The following MAST2 variants were observed in gnomAD, a reference collection of about 807,000 sequenced individuals.
MAST2 encodes microtubule-associated serine/threonine-protein kinase 2.
In MAST2, 70 loss-of-function variants were observed where a neutral mutation model predicts 147.4. The observed-to-expected ratio is 0.47, with a 90% CI of 0.39 to 0.58. MAST2 has a LOEUF of 0.58. Among genes scored for constraint, MAST2 ranks in the 20% least tolerant of loss-of-function variants. The pLI, the probability that MAST2 is intolerant of heterozygous loss-of-function variation, is 0.00. For synonymous variants in MAST2, 869 were observed against 896.8 expected (o/e 0.97, Z 0.55); for missense variants, 2,080 against 2,302.3 (o/e 0.90, Z 1.98).
At chr1:45,809,852 G>A (rs1644241939) in intron 1 of MAST2, among the ~76,000 whole-genome samples, 1 of 152,176 alleles carries the variant, frequency 6.6e-6, no homozygotes. Flanking sequence ...TGACTGGAAA[G>A]CACATAATAA....
Position 45,955,063 on chromosome 1 carries a change from G to C in MAST2, c.501-4323G>C, listed in dbSNP as rs78436060. ...AACAAATACTTATTGAGAGCCTACT[G>C]TGTGCCAGGCAGCGTTCTAGGTATT... On this transcript the variant is annotated intron_variant, in intron 4 of 28. Coordinates refer to ENST00000361297, the MANE Select transcript of MAST2 (RefSeq NM_015112.3). Among the ~76,000 whole-genome samples, 1,166 of 152,312 alleles carry C rather than the reference G, an allele frequency of 7.7e-3. 14 individuals carry two copies. The highest frequency in any genetic ancestry group is 0.027 in the African/African-American group (1,109 of 41,550).
intron 6 of MAST2, chr1:46,000,847 C>T: frequency 3.0e-6 from 2 of 666,306 alleles, no homozygotes; most frequent in Non-Finnish European, 4.7e-6. Context: ...CAAACTATCA[C>T]ACATTCCTAA....
At chr1:45,841,332 ATG>A (rs1645267754) in intron 3 of MAST2, among the ~76,000 whole-genome samples, 1 of 152,124 alleles carries the variant, frequency 6.6e-6, no homozygotes. Context: ...TATGAACAAA[ATG>A]TATATATTTT....
intron 3 of MAST2, among the ~76,000 whole-genome samples, chr1:45,873,757 G>A (rs988832081): frequency 6.6e-6 from 1 of 152,184 alleles, no homozygotes; most frequent in Admixed American, 6.5e-5. Context: ...ATATCATCAA[G>A]CTGTTCATCA....
intron 3 of MAST2, among the ~76,000 whole-genome samples, chr1:45,872,708 C>T (rs908783892): frequency 4.0e-5 from 6 of 151,890 alleles, no homozygotes; most frequent in East Asian, 1.9e-4. Flanking sequence ...CTCAAACTCC[C>T]GACCTCAGGT....
At chr1:45,832,000 G>A (rs1272068855) in intron 3 of MAST2, among the ~76,000 whole-genome samples, 4 of 151,914 alleles carry the variant, frequency 2.6e-5, no homozygotes, top group East Asian at 3.9e-4. Flanking sequence ...GGCTGATCTC[G>A]AACTCCTGAC....
At chr1:45,832,060 G>A (rs934872775) in intron 3 of MAST2, among the ~76,000 whole-genome samples, 5 of 152,080 alleles carry the variant, frequency 3.3e-5, no homozygotes, top group South Asian at 2.1e-4. Flanking sequence ...GATTACAGGC[G>A]TGAGCCACCG....
intron 4 of MAST2, among the ~76,000 whole-genome samples, chr1:45,909,514 C>CTT (rs1049052815): frequency 2.1e-5 from 3 of 143,190 alleles, no homozygotes; most frequent in African/African-American, 5.1e-5. Context: ...TCTATATCGT[C>CTT]TTTTTTTTTT....
Position 45,993,664 on chromosome 1 carries a change from AC to A in MAST2, c.593-4059del, listed in dbSNP as rs1644934833. Among the ~76,000 whole-genome samples, 3 of 152,258 alleles carry A rather than the reference AC, an allele frequency of 2.0e-5. No homozygotes were observed. In the South Asian group the frequency reaches 6.2e-4, roughly 32 times the overall value. ...GCGCCATTGCACTCCTGCCTGAGCAACAAAATGAGACTCCATCTCAAAAAAA... is the reference window on the plus strand; with the variant it reads ...GCGCCATTGCACTCCTGCCTGAGCAAAAAATGAGACTCCATCTCAAAAAAA... On this transcript the variant is annotated intron_variant, in intron 5 of 28. Coordinates refer to ENST00000361297, the MANE Select transcript of MAST2 (RefSeq NM_015112.3).
At position 46,031,722 on chromosome 1, in the gene MAST2, T is replaced by G. The variant is rs1248699611; in HGVS notation, c.3187+137T>G. ...TGACTGTGGTCTCTGAAGGTGTGTA[T>G]TGGTGTCTGGGGTTGTGTATACATG... On this transcript the variant is annotated intron_variant, in intron 24 of 28. Transcript: ENST00000361297. This position sits in a 1 kb window ranked among gnomAD's most constrained non-coding sequence, Gnocchi z 4.1. 4.7e-5 allele frequency: 41 copies of G among 873,956 alleles called. No individual in the cohort carries two copies. Among genetic ancestry groups the G allele is most frequent in the African/African-American group, 8.5e-5 (5 of 58,942 alleles). 54.1% of individuals were successfully genotyped at this position (873,956 alleles called of 1,614,324 possible). A position where few individuals can be genotyped will look rare whatever the true frequency, so the allele number is the denominator to read the frequency against.
intron 16 of MAST2, among the ~76,000 whole-genome samples, chr1:46,026,098 T>C (rs1646398307): frequency 6.6e-6 from 1 of 152,176 alleles, no homozygotes; most frequent in Non-Finnish European, 1.5e-5. Context: ...GCACATCTAG[T>C]AGATGGCTAA....
intron 3 of MAST2, among the ~76,000 whole-genome samples, chr1:45,834,908 C>T (rs971894031): frequency 5.9e-5 from 9 of 151,876 alleles, no homozygotes; most frequent in African/African-American, 1.2e-4. Context: ...TCTTTCCATC[C>T]GCCCAAGCCA....
rs565685216 is a variant in MAST2 at position 45,997,836 on chromosome 1, T to C, written c.668+37T>C. The C allele has an allele frequency of 4.7e-5, 72 of 1,535,882 alleles. 1 individual carries two copies. The East Asian group carries it at 1.5e-3, about 33-fold the overall frequency. Reference sequence around the variant, plus strand: ...GGAAACCTCCTCTGGGACCAGCACATGTGGCACTTGCATGAGGGTTAATTG... The same window carrying C: ...GGAAACCTCCTCTGGGACCAGCACACGTGGCACTTGCATGAGGGTTAATTG... On this transcript the variant is annotated intron_variant, in intron 6 of 28. Transcript: ENST00000361297.
chr1:45,836,474 G>T (rs947191724), intron 3 of MAST2, among the ~76,000 whole-genome samples: 1 of 151,986 alleles, frequency 6.6e-6, no homozygotes, highest in African/African-American at 2.4e-5. Flanking sequence ...TATTATTTTA[G>T]TTGAAAAGTA....
At chr1:45,950,816 T>A (rs1658815576) in intron 4 of MAST2, among the ~76,000 whole-genome samples, 1 of 152,204 alleles carries the variant, frequency 6.6e-6, no homozygotes, top group South Asian at 2.1e-4. Flanking sequence ...GCACAGTGGC[T>A]CACAACTTTC....
chr1:45,931,377 G>GTTTTTTTTTTTTT (rs71587091), intron 4 of MAST2, among the ~76,000 whole-genome samples: 14 of 101,192 alleles, frequency 1.4e-4, no homozygotes, highest in Non-Finnish European at 2.2e-4. Flanking sequence ...ATTGTGTTCT[G>GTTTTTTTTTTTTT]TTTTTTTTTT....
chr1:45,882,223 G>A (rs1646885252), intron 3 of MAST2, 141 bp from the exon 4 acceptor site: 1 of 552,224 alleles, frequency 1.8e-6, no homozygotes, highest in South Asian at 2.7e-5. Context: ...AAATTTAAGA[G>A]GCAAAGAAAA....
chr1:45,874,241 T>C (rs1646510768), intron 3 of MAST2, among the ~76,000 whole-genome samples: 1 of 152,188 alleles, frequency 6.6e-6, no homozygotes, highest in South Asian at 2.1e-4. Context: ...AGAAGCCTAG[T>C]TTTCCAAACT....
intron 3 of MAST2, among the ~76,000 whole-genome samples, chr1:45,879,740 T>A (rs904541422): frequency 3.9e-5 from 6 of 152,048 alleles, no homozygotes; most frequent in Non-Finnish European, 8.8e-5. Flanking sequence ...GGTAAAAAAA[T>A]TTTAAGATAC....
Sources: allele counts gnomAD v4.1 joint callset (sites outside exome capture counted in the v4.1 genomes callset), GRCh38; gene constraint gnomAD v4.1.1; non-coding constraint Gnocchi (gnomAD v3.1); transcripts MANE v1.5; gene names NCBI Gene and HGNC (gene_info 2026-07-23, HGNC 2026-07-21).